Variants in ABCB10 observed in about 807,000 individuals in gnomAD.
ABCB10 encodes the protein ATP binding cassette subfamily B member 10, also known as ATP-binding cassette sub-family B member 10, mitochondrial.
Under a neutral mutation model 65.4 loss-of-function variants are expected in ABCB10, and 54 were observed. The ratio of observed to expected loss-of-function variants is 0.83; its 90% CI spans 0.66 to 1.04. The LOEUF is 1.04. ABCB10 is among the 50% of genes least tolerant of loss of function. The pLI is 0.00. For synonymous variants in ABCB10, 418 were observed against 406.5 expected, an observed-to-expected ratio of 1.03 and a Z score of -0.34; for missense variants, 846 against 976.6, an observed-to-expected ratio of 0.87 and a Z score of 1.78.
At chr1:229,535,697 A>G (rs1662703421) in intron 6 of ABCB10, among the ~76,000 whole-genome samples, 2 of 151,262 alleles carry the variant, frequency 1.3e-5, no homozygotes, top group Admixed American at 1.3e-4. Flanking sequence ...TAAACTGTGG[A>G]CTTTGGGTGT....
chr1:229,519,518 T>A (rs1166172914), intron 11 of ABCB10, among the ~76,000 whole-genome samples: 2 of 152,334 alleles, frequency 1.3e-5, no homozygotes, highest in African/African-American at 4.8e-5. Context: ...CCGGACGTGG[T>A]GGCTCACGAC....
Position 229,547,839 on chromosome 1 carries a change from A to G in ABCB10, c.719-138T>C, listed in dbSNP as rs1571976300. The G allele has an allele frequency of 1.6e-5, 12 of 746,612 alleles. No individual in the cohort carries two copies. The East Asian group carries it at 2.9e-4, about 18-fold the overall frequency. 46.2% of individuals were successfully genotyped at this position (746,612 alleles called of 1,614,324 possible). The stretch of plus-strand genomic sequence containing the variant: ...TGCAGCCTCTGAGCGTGTCTGCTGC[A>G]CTGTATCCCATGGGTGGAAAGAGAC... On this transcript the variant is annotated intron_variant, in intron 2 of 12. Coordinates refer to ENST00000344517, the MANE Select transcript of ABCB10 (RefSeq NM_012089.3).
intron 3 of ABCB10, among the ~76,000 whole-genome samples, chr1:229,544,386 C>T (rs1662919215): frequency 8.4e-6 from 1 of 119,024 alleles, no homozygotes; most frequent in African/African-American, 3.3e-5. Flanking sequence ...CACTGCACTA[C>T]AGCCTAGGCA....
At chr1:229,525,889 G>T (rs373174329) in intron 10 of ABCB10, 47 bp downstream of exon 10, 3 of 1,547,978 alleles carry the variant, frequency 1.9e-6, no homozygotes, top group Non-Finnish European at 2.6e-6. Context: ...CATGTGAAAA[G>T]TTCTTTGGAT....
chr1:229,549,390 C>T lies in ABCB10; in HGVS notation c.562G>A (p.Ala188Thr), dbSNP rs1222856535. 1 of 1,614,134 alleles carries T rather than the reference C, an allele frequency of 6.2e-7. No individual in the cohort carries two copies. Among genetic ancestry groups the T allele is most frequent in the Admixed American group, 1.7e-5 (1 of 60,012 alleles). The change falls in exon 2 of 13, where the codon GCC becomes ACC. Residue 188 changes from alanine to threonine, a missense_variant. Ala to Thr is a moderately conservative substitution (Grantham distance 58, BLOSUM62 0). Coordinates refer to ENST00000344517, the MANE Select transcript of ABCB10 (RefSeq NM_012089.3). ...ATGATCTTCCCCAGGAAGAAAGGGG[C>T]AGACATGGAGATAACACTGGACATC... ...LTMSSVISMSAPFFLGKIIDV... is the reference protein window; with the variant it reads ...LTMSSVISMSTPFFLGKIIDV...
chr1:229,524,823 G>C (rs1223756396), intron 10 of ABCB10, among the ~76,000 whole-genome samples: 2 of 151,964 alleles, frequency 1.3e-5, no homozygotes, highest in Non-Finnish European at 2.9e-5. Context: ...AGAAGGATGT[G>C]TGACAGCCAT....
chr1:229,531,490 C>T, intron 7 of ABCB10, 146 bp downstream of exon 7: 1 of 769,906 alleles, frequency 1.3e-6, no homozygotes, highest in Non-Finnish European at 2.1e-6. Context: ...AAAACCTGAC[C>T]ACCTCCTCAC....
chr1:229,521,523 T>C, intron 11 of ABCB10, 69 bp downstream of exon 11: 2 of 1,495,896 alleles, frequency 1.3e-6, no homozygotes, highest in South Asian at 1.3e-5. Flanking sequence ...AATAGTAAAT[T>C]ACAAATTACA....
chr1:229,557,694 G>A (rs1663290789), intron 1 of ABCB10, among the ~76,000 whole-genome samples: 1 of 151,950 alleles, frequency 6.6e-6, no homozygotes, highest in Admixed American at 6.6e-5. Context: ...GTGACTGCTT[G>A]ACAGACTCGC....
chr1:229,521,485 AAC>A, intron 11 of ABCB10, 105 bp downstream of exon 11: 2 of 1,403,372 alleles, frequency 1.4e-6, no homozygotes, highest in Non-Finnish European at 2.0e-6. Context: ...AAAAAAAAAA[AAC>A]AAAAAACAGG....
intron 3 of ABCB10, among the ~76,000 whole-genome samples, chr1:229,545,631 C>T (rs1662948648): frequency 6.6e-6 from 1 of 152,152 alleles, no homozygotes; most frequent in Non-Finnish European, 1.5e-5. Context: ...TTCAATTGTA[C>T]ATTTTATAAA....
chr1:229,558,486 G>T lies in ABCB10; in HGVS notation c.167C>A (p.Pro56His). The change falls in exon 1 of 13, where the codon CCC (proline) becomes CAC (histidine). Residue 56 changes from proline (P) to histidine (H), a missense_variant. Around this residue, in one of 2 missense-constraint regions of ABCB10, gnomAD observed 214 missense variants for 173.5 expected, o/e 1.23. Coordinates refer to ENST00000344517, the MANE Select transcript of ABCB10 (RefSeq NM_012089.3). ...GGCTCCAACGCCCCAGAGCAGCGCG[G>T]GCCCCGCGCCCCATAGCCGCGCCGG... The part of the protein sequence containing the change: ...LRPARLWGAG[P>H]ALLWGVGAAR... 7.7e-7 allele frequency: 1 copy of T among 1,301,014 alleles called. No homozygotes were observed. The highest frequency in any genetic ancestry group is 3.4e-5 in the East Asian group (1 of 29,490). 80.6% of individuals were successfully genotyped at this position (1,301,014 alleles called of 1,614,324 possible). A position where few individuals can be genotyped will look rare whatever the true frequency, so the allele number is the denominator to read the frequency against.
chr1:229,536,719 G>A (rs562302314), intron 6 of ABCB10, among the ~76,000 whole-genome samples: 1 of 152,332 alleles, frequency 6.6e-6, no homozygotes, highest in Admixed American at 6.5e-5. Flanking sequence ...ACTCTGGGAA[G>A]CAGAGGCAGG....
rs891790315 is a variant in ABCB10 at position 229,526,845 on chromosome 1, G to A, written c.1725+384C>T. On this transcript the variant is annotated intron_variant, in intron 9 of 12. Transcript: ENST00000344517. The stretch of plus-strand genomic sequence containing the variant: ...GACTCTGGCTCTTGCCATAGTCTTT[G>A]CTCACTTTTCCCTGAAACTCATTAT... Among the ~76,000 whole-genome samples, 4 of 152,178 alleles carry A rather than the reference G, an allele frequency of 2.6e-5. 1 individual carries two copies. The highest frequency in any genetic ancestry group is 9.7e-5 in the African/African-American group (4 of 41,444).
At chr1:229,550,956 A>G (rs778953952) in intron 1 of ABCB10, among the ~76,000 whole-genome samples, 12 of 152,120 alleles carry the variant, frequency 7.9e-5, no homozygotes, top group Non-Finnish European at 1.5e-4. Context: ...ATTTTTTTAA[A>G]AGATAGTGAT....
Position 229,547,708 on chromosome 1 carries a change from A to AGTTTGCATG in ABCB10, c.719-8_719-7insCATGCAAAC. ...CTATTCACAATGCGCTGACCTGCAA[A>AGTTTGCATG]AGCAAACACGAACAGGCTCACCAAG... On this transcript the variant is annotated splice_region_variant and splice_polypyrimidine_tract_variant and intron_variant, in intron 2 of 12. Coordinates refer to ENST00000344517, the MANE Select transcript of ABCB10 (RefSeq NM_012089.3). 1 of 1,614,074 alleles carries AGTTTGCATG rather than the reference A, an allele frequency of 6.2e-7. No homozygotes were observed. Among genetic ancestry groups the AGTTTGCATG allele is most frequent in the Non-Finnish European group, 8.5e-7 (1 of 1,179,938 alleles).
At chr1:229,543,422 T>C (rs900648389) in intron 3 of ABCB10, among the ~76,000 whole-genome samples, 1 of 152,218 alleles carries the variant, frequency 6.6e-6, no homozygotes, top group Non-Finnish European at 1.5e-5. Flanking sequence ...AAATCTACCA[T>C]ATCTCATTTG....
At chr1:229,534,598 A>T (rs1311015574) in intron 6 of ABCB10, among the ~76,000 whole-genome samples, 3 of 151,344 alleles carry the variant, frequency 2.0e-5, no homozygotes, top group Admixed American at 2.0e-4. Context: ...CCAGGCGTGG[A>T]TGGCTCATGC....
At chr1:229,551,673 G>A (rs1327834876) in intron 1 of ABCB10, among the ~76,000 whole-genome samples, 3 of 152,154 alleles carry the variant, frequency 2.0e-5, no homozygotes, top group Admixed American at 1.3e-4. Flanking sequence ...CGTAAAGCCC[G>A]GGGTCTTGTT....
Sources: gnomAD v4.1 joint callset for allele counts (sites outside exome capture counted in the v4.1 genomes callset) on GRCh38, gnomAD v4.1.1 for gene constraint, gnomAD v4.1.1 regional missense constraint, MANE v1.5 for transcripts, NCBI Gene and HGNC (gene_info 2026-07-23, HGNC 2026-07-21) for gene names.